CAMTA1: variants seen among roughly 807,000 people sequenced by gnomAD.
The protein encoded by CAMTA1 is calmodulin binding transcription activator 1, also known as calmodulin-binding transcription activator 1.
In CAMTA1, 27 loss-of-function variants were observed where a neutral mutation model predicts 170.9. The observed-to-expected ratio is 0.16, with a 90% CI of 0.12 to 0.22. The LOEUF (loss-of-function observed/expected upper bound fraction) is 0.22. Ranked by LOEUF, CAMTA1 falls within the 10% of genes least tolerant of loss-of-function variation. The pLI is 1.00. For synonymous variants in CAMTA1, 833 were observed against 891.5 expected (o/e 0.93, Z 1.17); for missense variants, 1,619 against 2,217.2 (o/e 0.73, Z 5.42).
intron 6 of CAMTA1, among the ~76,000 whole-genome samples, chr1:7,586,477 C>T (rs1173905639): frequency 1.3e-5 from 2 of 152,106 alleles, no homozygotes; most frequent in East Asian, 3.9e-4. Context: ...TGGCAGCTTC[C>T]AAACAATACT....
At chr1:7,066,866 G>C (rs1403633601) in intron 3 of CAMTA1, among the ~76,000 whole-genome samples, 1 of 152,188 alleles carries the variant, frequency 6.6e-6, no homozygotes, top group Non-Finnish European at 1.5e-5. Flanking sequence ...AGCATCATAG[G>C]CTCAGTTTAG....
chr1:6,907,307 C>G (rs1252187961), intron 3 of CAMTA1, among the ~76,000 whole-genome samples: 1 of 152,128 alleles, frequency 6.6e-6, no homozygotes, highest in Non-Finnish European at 1.5e-5. Flanking sequence ...CCTCTAGGAA[C>G]TTTGTTGTAA....
intron 5 of CAMTA1, among the ~76,000 whole-genome samples, chr1:7,408,366 C>T (rs373347966): frequency 9.2e-5 from 14 of 152,358 alleles, no homozygotes; most frequent in South Asian, 6.2e-4. Flanking sequence ...GAGCCTTCTG[C>T]GAGCAGCGGG....
chr1:7,257,865 T>G (rs371873063), intron 5 of CAMTA1, among the ~76,000 whole-genome samples: 4 of 152,210 alleles, frequency 2.6e-5, no homozygotes, highest in African/African-American at 9.7e-5. Context: ...TTGTCTGTTT[T>G]GGATATTGGT....
At chr1:7,226,907 A>G (rs1321365234) in intron 4 of CAMTA1, among the ~76,000 whole-genome samples, 2 of 151,718 alleles carry the variant, frequency 1.3e-5, no homozygotes, top group Non-Finnish European at 2.9e-5. Context: ...GTCTCGGCTC[A>G]CTGCAAGCTC....
chr1:6,804,173 ACT>A (rs1351056321), intron 1 of CAMTA1, among the ~76,000 whole-genome samples: 2 of 144,862 alleles, frequency 1.4e-5, no homozygotes, highest in African/African-American at 5.1e-5. Flanking sequence ...AACGAGCGAA[ACT>A]CTTTTTTTTT....
rs2095325563 is a variant in CAMTA1 at position 7,588,022 on chromosome 1, T to C, written c.511-52378T>C. ...TCGGTGCCTGGCCCTGGCCATTCAT[T>C]CCTCGTTCAAGTGCGTGTGGCAGCC... is the stretch of plus-strand genomic sequence containing the variant. On this transcript the variant is annotated intron_variant, in intron 6 of 22. Coordinates refer to ENST00000303635, the MANE Select transcript of CAMTA1 (RefSeq NM_015215.4). The surrounding 1 kb of genome is among the most constrained non-coding windows in gnomAD (Gnocchi z 5.8). 6.6e-6 allele frequency among the ~76,000 whole-genome samples: 1 copy of C among 152,088 alleles called. No homozygotes were observed. The highest frequency in any genetic ancestry group is 6.5e-5 in the Admixed American group (1 of 15,290).
chr1:7,227,398 G>A (rs1239364284), intron 4 of CAMTA1, among the ~76,000 whole-genome samples: 1 of 151,988 alleles, frequency 6.6e-6, no homozygotes, highest in Non-Finnish European at 1.5e-5. Context: ...TGTGATCTTG[G>A]CTCACCGCAA....
At chr1:7,564,677 C>T (rs1026894527) in intron 6 of CAMTA1, among the ~76,000 whole-genome samples, 8 of 152,002 alleles carry the variant, frequency 5.3e-5, no homozygotes, top group African/African-American at 1.7e-4. Flanking sequence ...ACATGGTTGT[C>T]GTCCAGGAAG....
intron 11 of CAMTA1, among the ~76,000 whole-genome samples, chr1:7,719,846 G>A (rs2096637768): frequency 6.6e-6 from 1 of 152,252 alleles, no homozygotes; most frequent in Admixed American, 6.5e-5. Flanking sequence ...GTGCTCTACA[G>A]AAATAGTTGC....
chr1:7,703,304 C>T (rs1364521288), intron 11 of CAMTA1, among the ~76,000 whole-genome samples: 1 of 149,172 alleles, frequency 6.7e-6, no homozygotes, highest in East Asian at 2.0e-4. Context: ...CGTGGTGACC[C>T]GGGGGGCGGG....
chr1:7,673,601 T>A lies in CAMTA1; in HGVS notation c.2779+2564T>A, dbSNP rs1322477671. Among the ~76,000 whole-genome samples, 1 of 152,196 alleles carries A rather than the reference T, an allele frequency of 6.6e-6. No homozygotes were observed. Among genetic ancestry groups the A allele is most frequent in the Non-Finnish European group, 1.5e-5 (1 of 68,042 alleles). Reference sequence around the variant, plus strand: ...CTCCTAGCTGTTCAGGCTCATTATATGAGCCATAATGTGTCTCGGACCAAG... The same window carrying A: ...CTCCTAGCTGTTCAGGCTCATTATAAGAGCCATAATGTGTCTCGGACCAAG... On this transcript the variant is annotated intron_variant, in intron 10 of 22. Transcript: ENST00000303635. The surrounding 1 kb of genome is among the most constrained non-coding windows in gnomAD (Gnocchi z 4.6).
At chr1:7,053,570 T>C (rs1027559690) in intron 3 of CAMTA1, among the ~76,000 whole-genome samples, 3 of 151,920 alleles carry the variant, frequency 2.0e-5, no homozygotes, top group African/African-American at 7.3e-5. Flanking sequence ...AAGTCCTCAC[T>C]GTGACAGGAT....
In CAMTA1 at chr1:7,736,793, GC is replaced by G; in HGVS notation, c.3264-135del. On this transcript the variant is annotated intron_variant, in intron 13 of 22. Coordinates refer to ENST00000303635, the MANE Select transcript of CAMTA1 (RefSeq NM_015215.4). This position sits in a 1 kb window ranked among gnomAD's most constrained non-coding sequence, Gnocchi z 4.5. ...CCTAGCCAAATGGAGCGTCCACACT[GC>G]CCTGGGACTCTGTTTCTTCACCATG... 1 of 760,622 alleles carries G rather than the reference GC, an allele frequency of 1.3e-6. No homozygotes were observed. 47.1% of individuals were successfully genotyped at this position (760,622 alleles called of 1,614,324 possible).
At chr1:7,279,816 G>GAGA (rs35313317) in intron 5 of CAMTA1, among the ~76,000 whole-genome samples, 6,142 of 152,180 alleles carry the variant, frequency 0.04, 359 homozygotes, top group African/African-American at 0.13. Context: ...TCCCTGGAAT[G>GAGA]AGAAGAAGCC....
At chr1:6,863,103 C>T (rs577294187) in intron 3 of CAMTA1, among the ~76,000 whole-genome samples, 11 of 152,130 alleles carry the variant, frequency 7.2e-5, no homozygotes, top group Non-Finnish European at 1.6e-4. Flanking sequence ...TAATGATTAG[C>T]ACAATCAACC....
At chr1:7,088,562 A>G (rs1237820096) in intron 3 of CAMTA1, among the ~76,000 whole-genome samples, 1 of 152,194 alleles carries the variant, frequency 6.6e-6, no homozygotes, top group African/African-American at 2.4e-5. Context: ...TAGTGCCAGG[A>G]GTTTTTCCCC....
chr1:7,153,938 C>T (rs575743433), intron 4 of CAMTA1, among the ~76,000 whole-genome samples: 11 of 152,318 alleles, frequency 7.2e-5, no homozygotes, highest in South Asian at 2.1e-4. Context: ...GCCTGGGCTC[C>T]GGCCACGATT....
chr1:6,995,969 A>C (rs74862973), intron 3 of CAMTA1, among the ~76,000 whole-genome samples: 2,710 of 152,342 alleles, frequency 0.018, 76 homozygotes, highest in African/African-American at 0.062. Flanking sequence ...GCAGGGGAAC[A>C]GTGGTATGAG....
Sources: gnomAD v4.1 joint callset for allele counts (sites outside exome capture counted in the v4.1 genomes callset) on GRCh38, gnomAD v4.1.1 for gene constraint, Gnocchi (gnomAD v3.1) non-coding constraint, MANE v1.5 for transcripts, NCBI Gene and HGNC (gene_info 2026-07-23, HGNC 2026-07-21) for gene names.